The following BMF variants were observed in gnomAD, a reference collection of about 807,000 sequenced individuals.
The protein encoded by BMF is Bcl2 modifying factor.
Under a neutral mutation model 22.0 loss-of-function variants are expected in BMF, and 10 were observed. That is an observed-to-expected ratio of 0.45 (90% CI 0.28 to 0.77). BMF has a LOEUF of 0.77. Among genes scored for constraint, BMF ranks in the 30% least tolerant of loss-of-function variants. The probability of loss-of-function intolerance (pLI) is 0.13; values close to 1 mark genes in which losing one functional copy is unlikely to be tolerated. For missense variants in BMF, 206 were observed against 226.8 expected, an observed-to-expected ratio of 0.91 and a Z score of 0.59; for synonymous variants, 87 against 88.1, an observed-to-expected ratio of 0.99 and a Z score of 0.07.
intron 4 of BMF, among the ~76,000 whole-genome samples, chr15:40,097,736 G>C (rs2036395322): frequency 6.6e-6 from 1 of 152,170 alleles, no homozygotes; most frequent in Non-Finnish European, 1.5e-5. Flanking sequence ...GCTGCAAGGA[G>C]CAGGCTCCTC....
intron 4 of BMF, 51 bp downstream of exon 4, chr15:40,104,129 C>T (rs1356223762): frequency 3.1e-6 from 5 of 1,602,976 alleles, no homozygotes; most frequent in Non-Finnish European, 4.3e-6. Flanking sequence ...CAGGCCCTGG[C>T]CCCCAAGCCC....
intron 3 of BMF, among the ~76,000 whole-genome samples, chr15:40,105,132 A>AG (rs1284655931): frequency 6.6e-5 from 10 of 152,228 alleles, no homozygotes; most frequent in Admixed American, 6.5e-4. Flanking sequence ...CAGACACAGT[A>AG]AGCCACGCTC....
At chr15:40,092,294 C>T (rs1187531550) in intron 4 of BMF, among the ~76,000 whole-genome samples, 4 of 152,238 alleles carry the variant, frequency 2.6e-5, no homozygotes, top group African/African-American at 4.8e-5. Flanking sequence ...CTCTCTCCCC[C>T]GACTCCAAAG....
Position 40,106,721 on chromosome 15 carries a change from A to G in BMF, c.-5-630T>C, listed in dbSNP as rs1016908806. On this transcript the variant is annotated intron_variant, in intron 2 of 4. Transcript: ENST00000354670. The surrounding 1 kb of genome is among the most constrained non-coding windows in gnomAD (Gnocchi z 4.1). ...TCTCCACCCCTTGCTTGCACAACAC[A>G]ACAAACAGGCTCTGCAGTGTGGTAA... 1.3e-5 allele frequency: 2 copies of G among 152,264 alleles called. No homozygotes were observed. Among genetic ancestry groups the G allele is most frequent in the African/African-American group, 4.8e-5 (2 of 41,408 alleles). 9.4% of individuals were successfully genotyped at this position (152,264 alleles called of 1,614,324 possible).
At chr15:40,093,922 G>C (rs1468336303) in intron 4 of BMF, among the ~76,000 whole-genome samples, 1 of 152,172 alleles carries the variant, frequency 6.6e-6, no homozygotes, top group Non-Finnish European at 1.5e-5. Context: ...GTGATTTTGA[G>C]GCACATTATC....
chr15:40,094,427 GAC>G lies in BMF; in HGVS notation c.454-2541_454-2540del, dbSNP rs552818489. 6.2e-3 allele frequency among the ~76,000 whole-genome samples: 942 copies of G among 152,318 alleles called. 6 individuals are homozygous for G. The highest frequency in any genetic ancestry group is 0.014 in the Admixed American group (217 of 15,306). On this transcript the variant is annotated intron_variant, in intron 4 of 4. Coordinates refer to ENST00000354670, the MANE Select transcript of BMF (RefSeq NM_001003940.2). ...AACTAGTTTCCATGCCTCTGCGTGT[GAC>G]AGTCCTTAAGGCTCATGAATTGGTA... is the stretch of plus-strand genomic sequence containing the variant.
intron 4 of BMF, among the ~76,000 whole-genome samples, chr15:40,097,272 C>T (rs2036384833): frequency 6.6e-6 from 1 of 151,648 alleles, no homozygotes; most frequent in Non-Finnish European, 1.5e-5. Flanking sequence ...ACCAAGCACC[C>T]AACTGAGCTA....
intron 4 of BMF, among the ~76,000 whole-genome samples, chr15:40,094,878 G>A (rs897508279): frequency 6.6e-6 from 1 of 152,260 alleles, no homozygotes; most frequent in Admixed American, 6.5e-5. Flanking sequence ...CACTTCACGT[G>A]TTGGTGTTTT....
chr15:40,104,157 C>G, intron 4 of BMF, 23 bp downstream of exon 4: 1 of 1,613,310 alleles, frequency 6.2e-7, no homozygotes, highest in South Asian at 1.1e-5. Context: ...CTCAACCCTC[C>G]TCCCCTAAAC....
At chr15:40,092,874 C>T (rs2036272346) in intron 4 of BMF, among the ~76,000 whole-genome samples, 1 of 152,120 alleles carries the variant, frequency 6.6e-6, no homozygotes, top group Non-Finnish European at 1.5e-5. Flanking sequence ...GGGGCCTCTC[C>T]ACAGGGTTCT....
At chr15:40,093,629 C>T (rs999301624) in intron 4 of BMF, among the ~76,000 whole-genome samples, 2 of 152,154 alleles carry the variant, frequency 1.3e-5, no homozygotes, top group Non-Finnish European at 2.9e-5. Context: ...GTCATGTGGC[C>T]GAACAAGAGG....
intron 4 of BMF, among the ~76,000 whole-genome samples, chr15:40,103,076 G>A (rs929507699): frequency 2.6e-5 from 4 of 152,162 alleles, no homozygotes; most frequent in Admixed American, 1.3e-4. Context: ...CTCTTCCCCT[G>A]GCACTGGTAA....
rs901168069 is a variant in BMF at position 40,088,338 on chromosome 15, G to C, written c.*3449C>G. The C allele has an allele frequency of 6.6e-6, 1 of 152,324 alleles. No homozygotes were observed. The highest frequency in any genetic ancestry group is 2.4e-5 in the African/African-American group (1 of 41,450). The allele number at this position is 152,324 out of a possible 1,614,324, so 9.4% of individuals were successfully genotyped here. The stretch of plus-strand genomic sequence containing the variant: ...CAGGCTGCCTAAGGGTGACAGGTGA[G>C]CCCCTTCCTGCTAGGGTGTCTGGCC... On this transcript the variant is annotated 3_prime_UTR_variant, in exon 5 of 5. Transcript: ENST00000354670.
At chr15:40,102,172 T>C (rs1016048901) in intron 4 of BMF, among the ~76,000 whole-genome samples, 1 of 152,134 alleles carries the variant, frequency 6.6e-6, no homozygotes, top group Non-Finnish European at 1.5e-5. Flanking sequence ...CTCACGCCTG[T>C]AGTCCCAGCA....
intron 2 of BMF, among the ~76,000 whole-genome samples, chr15:40,107,008 C>G (rs2036601569): frequency 6.6e-6 from 1 of 152,210 alleles, no homozygotes; most frequent in South Asian, 2.1e-4. Context: ...CTCCCTGTGA[C>G]CTCACTCACT....
chr15:40,107,277 T>C (rs947417059), intron 2 of BMF, among the ~76,000 whole-genome samples: 58 of 152,364 alleles, frequency 3.8e-4, no homozygotes, highest in African/African-American at 1.4e-3. Context: ...TTCTGTCCCC[T>C]AGTCTCTTGC....
chr15:40,102,838 GGAAACTC>G (rs1157047455), intron 4 of BMF, among the ~76,000 whole-genome samples: 1 of 152,062 alleles, frequency 6.6e-6, no homozygotes, highest in Non-Finnish European at 1.5e-5. Flanking sequence ...GGACTGAAGG[GGAAACTC>G]GAAGCCAAGT....
Position 40,108,753 on chromosome 15 carries a change from G to A in BMF, c.-134+20C>T, listed in dbSNP as rs2036637953. The A allele has an allele frequency of 6.5e-6, 1 of 153,316 alleles. No individual in the cohort carries two copies. The highest frequency in any genetic ancestry group is 1.5e-5 in the Non-Finnish European group (1 of 68,316). 9.5% of individuals were successfully genotyped at this position (153,316 alleles called of 1,614,324 possible). A position where few individuals can be genotyped will look rare whatever the true frequency, so the allele number is the denominator to read the frequency against. On this transcript the variant is annotated intron_variant, in intron 1 of 4. Coordinates refer to ENST00000354670, the MANE Select transcript of BMF (RefSeq NM_001003940.2). The stretch of plus-strand genomic sequence containing the variant: ...GCGATCCAACTCCGCCCGGCCCCCG[G>A]CGGCCACCCGGGCGCTCACCGGGCT...
At chr15:40,093,366 G>A (rs909830584) in intron 4 of BMF, among the ~76,000 whole-genome samples, 9 of 152,260 alleles carry the variant, frequency 5.9e-5, no homozygotes, top group Non-Finnish European at 8.8e-5. Flanking sequence ...GCTCCTGCCC[G>A]GAGGGGAAGG....
Sources: gnomAD v4.1 joint callset for allele counts (sites outside exome capture counted in the v4.1 genomes callset) on GRCh38, gnomAD v4.1.1 for gene constraint, Gnocchi (gnomAD v3.1) non-coding constraint, MANE v1.5 for transcripts, NCBI Gene and HGNC (gene_info 2026-07-23, HGNC 2026-07-21) for gene names.